The following SLC12A9 variants were observed in gnomAD, a reference collection of about 807,000 sequenced individuals.
The protein encoded by SLC12A9 is CCC-interacting protein 1.
SLC12A9 carries 55 observed loss-of-function variants against 66.0 expected under a neutral mutation model. That is an observed-to-expected ratio of 0.83 (90% CI 0.67 to 1.04). The LOEUF is 1.04. Among genes scored for constraint, SLC12A9 ranks in the 50% least tolerant of loss-of-function variants. SLC12A9 has a pLI of 0.00. For synonymous variants in SLC12A9, 577 were observed against 569.0 expected, an observed-to-expected ratio of 1.01 and a Z score of -0.20; for missense variants, 1,061 against 1,241.9, an observed-to-expected ratio of 0.85 and a Z score of 2.19.
At chr7:100,840,408 C>T (rs1813760180) in intron 1 of SLC12A9, among the ~76,000 whole-genome samples, 1 of 152,150 alleles carries the variant, frequency 6.6e-6, no homozygotes, top group Non-Finnish European at 1.5e-5. Flanking sequence ...GGACAGGTCC[C>T]TTGTTTCAAA....
At chr7:100,832,131 C>T (rs913789557) in intron 1 of SLC12A9, among the ~76,000 whole-genome samples, 2 of 152,054 alleles carry the variant, frequency 1.3e-5, no homozygotes, top group South Asian at 2.1e-4. Context: ...ACTTGGGAGG[C>T]GGAGGTTGCA....
intron 1 of SLC12A9, among the ~76,000 whole-genome samples, chr7:100,837,910 G>GA (rs1334959293): frequency 7.3e-6 from 1 of 137,510 alleles, no homozygotes; most frequent in Non-Finnish European, 1.5e-5. Flanking sequence ...GCCCAGGCTG[G>GA]AGTGCAGTGG....
At chr7:100,863,418 G>A (rs1427209603) in intron 13 of SLC12A9, among the ~76,000 whole-genome samples, 2 of 152,022 alleles carry the variant, frequency 1.3e-5, no homozygotes, top group African/African-American at 4.8e-5. Context: ...ACTGAAGAGT[G>A]TATTTTTGGA....
intron 1 of SLC12A9, among the ~76,000 whole-genome samples, chr7:100,835,294 G>T (rs2116502489): frequency 6.6e-6 from 1 of 150,778 alleles, no homozygotes; most frequent in East Asian, 1.9e-4. Context: ...GGTAGAGGTT[G>T]CAGTGAGCTG....
chr7:100,865,611 T>TCATAC, intron 13 of SLC12A9, 108 bp from the exon 14 acceptor site: 2 of 1,560,310 alleles, frequency 1.3e-6, no homozygotes, highest in Non-Finnish European at 1.7e-6. Flanking sequence ...AGTGGGAATG[T>TCATAC]CATACCTATG....
At chr7:100,830,888 C>T (rs1485972682) in intron 1 of SLC12A9, among the ~76,000 whole-genome samples, 2 of 151,988 alleles carry the variant, frequency 1.3e-5, no homozygotes, top group Non-Finnish European at 2.9e-5. Context: ...TGTCCTCCAC[C>T]CTTAGACCAC....
chr7:100,834,025 G>A (rs1338042819), intron 1 of SLC12A9, among the ~76,000 whole-genome samples: 1 of 150,184 alleles, frequency 6.7e-6, no homozygotes, highest in Non-Finnish European at 1.5e-5. Flanking sequence ...GATTAGACAA[G>A]TCAGGGGTAG....
intron 7 of SLC12A9, 114 bp downstream of exon 7, chr7:100,859,275 G>A: frequency 2.0e-6 from 2 of 1,010,486 alleles, no homozygotes; most frequent in East Asian, 2.4e-5. Flanking sequence ...TTGGGGTGGA[G>A]GGTGGCTACC....
rs191772488 is a variant in SLC12A9 at position 100,860,214 on chromosome 7, T to C, written c.1200T>C (p.Tyr400=). 6.2e-7 allele frequency: 1 copy of C among 1,614,120 alleles called. No homozygotes were observed. Among genetic ancestry groups the C allele is most frequent in the East Asian group, 2.2e-5 (1 of 44,894 alleles). The change falls in exon 9 of 14, where the codon TAT becomes TAC. Residue 400 remains tyrosine, a synonymous_variant. Coordinates refer to ENST00000354161, the MANE Select transcript of SLC12A9 (RefSeq NM_020246.4). ...RGGNPWAAVL[Y]SWGLVQLVLL... is the part of the protein sequence containing the mutation. ...GAAACCCCTGGGCAGCTGTACTTTATTCTTGGGGCCTGGTGCAGGTGAGCC... is the reference window on the plus strand; with the variant it reads ...GAAACCCCTGGGCAGCTGTACTTTACTCTTGGGGCCTGGTGCAGGTGAGCC...
In SLC12A9 at chr7:100,866,202, C is replaced by T. The variant is rs770475764; in HGVS notation, c.2342C>T (p.Ala781Val). 63 of 1,610,822 alleles carry T rather than the reference C, an allele frequency of 3.9e-5. No individual in the cohort carries two copies. The highest frequency in any genetic ancestry group is 5.2e-5 in the Non-Finnish European group (61 of 1,179,080). Reference protein sequence around the residue: ...CLGPREAPGAAEGRLRALLSQ... With the variant: ...CLGPREAPGAVEGRLRALLSQ... ...GGGCCTCGGGAGGCGCCTGGGGCGG[C>T]CGAGGGGCGGCTGCGGGCACTGCTG... The change falls in exon 14 of 14, where the codon GCC (alanine) becomes GTC (valine). Residue 781 changes from alanine to valine, a missense_variant. Coordinates refer to ENST00000354161, the MANE Select transcript of SLC12A9 (RefSeq NM_020246.4). This position sits in a 1 kb window ranked among gnomAD's most constrained non-coding sequence, Gnocchi z 7.3.
intron 1 of SLC12A9, among the ~76,000 whole-genome samples, chr7:100,846,198 A>G (rs752322896): frequency 8.5e-5 from 13 of 152,242 alleles, no homozygotes; most frequent in Admixed American, 1.3e-4. Flanking sequence ...AAGTCTTATA[A>G]TAAGAGTTAT....
At chr7:100,829,586 T>C (rs1273989137) in intron 1 of SLC12A9, among the ~76,000 whole-genome samples, 1 of 152,042 alleles carries the variant, frequency 6.6e-6, no homozygotes, top group Non-Finnish European at 1.5e-5. Context: ...AGGCTGGAGC[T>C]GGGAATTCCC....
At chr7:100,835,342 G>T (rs1228686710) in intron 1 of SLC12A9, among the ~76,000 whole-genome samples, 2 of 127,194 alleles carry the variant, frequency 1.6e-5, no homozygotes, top group Non-Finnish European at 3.3e-5. Context: ...GCAACAAAGC[G>T]AGGCTCTGTC....
At chr7:100,838,956 G>C (rs529654190) in intron 1 of SLC12A9, among the ~76,000 whole-genome samples, 1 of 152,134 alleles carries the variant, frequency 6.6e-6, no homozygotes, top group Non-Finnish European at 1.5e-5. Context: ...GCAGCCCCCA[G>C]TCACATACCC....
intron 1 of SLC12A9, chr7:100,827,193 G>T: frequency 1.9e-6 from 1 of 528,846 alleles, no homozygotes; most frequent in Non-Finnish European, 2.8e-6. Flanking sequence ...GGGCGGCGGC[G>T]CCAAGTGTGG....
At chr7:100,865,157 C>G in intron 13 of SLC12A9, 1 of 1,058,450 alleles carries the variant, frequency 9.4e-7, no homozygotes, top group Non-Finnish European at 1.4e-6. Flanking sequence ...AGCATTTCAC[C>G]GTATTGGCCA....
upstream of SLC12A9, among the ~76,000 whole-genome samples, chr7:100,852,011 T>C (rs1289664839): frequency 1.3e-5 from 2 of 152,162 alleles, no homozygotes; most frequent in Admixed American, 1.3e-4. Context: ...ATGCCCATTT[T>C]ACATATGAGG....
Position 100,860,231 on chromosome 7 carries a change from A to G in SLC12A9, c.1217A>G (p.Gln406Arg). Residue 406 changes from glutamine (Q) to arginine (R), a missense_variant and splice_region_variant, in exon 9 of 14, where the codon CAG becomes CGG. By Grantham distance (43) the Gln-to-Arg change is conservative. Transcript: ENST00000354161. The part of the protein sequence containing the change: ...AAVLYSWGLV[Q>R]LVLLAGKLNT... Reference sequence around the variant, plus strand: ...GTACTTTATTCTTGGGGCCTGGTGCAGGTGAGCCTTCTTCTTCAAGGGGCC... The same window carrying G: ...GTACTTTATTCTTGGGGCCTGGTGCGGGTGAGCCTTCTTCTTCAAGGGGCC... 6.2e-7 allele frequency: 1 copy of G among 1,613,538 alleles called. No homozygotes were observed. The highest frequency in any genetic ancestry group is 1.1e-5 in the South Asian group (1 of 91,028).
chr7:100,850,912 G>C (rs1474868503), upstream of SLC12A9, among the ~76,000 whole-genome samples: 1 of 152,044 alleles, frequency 6.6e-6, no homozygotes, highest in East Asian at 1.9e-4. Flanking sequence ...TAGAGATGGG[G>C]TATCACCATG....
Sources: gnomAD v4.1 joint callset for allele counts (sites outside exome capture counted in the v4.1 genomes callset) on GRCh38, gnomAD v4.1.1 for gene constraint, Gnocchi (gnomAD v3.1) non-coding constraint, MANE v1.5 for transcripts, NCBI Gene and HGNC (gene_info 2026-07-23, HGNC 2026-07-21) for gene names.